Variants in SORCS3 observed in about 807,000 individuals in gnomAD.
The protein encoded by SORCS3 is sortilin related VPS10 domain containing receptor 3.
In SORCS3, 57 loss-of-function variants were observed where a neutral mutation model predicts 146.3. The observed-to-expected ratio is 0.39, with a 90% CI of 0.31 to 0.49. SORCS3 has a LOEUF of 0.49. Ranked by LOEUF, SORCS3 falls within the 20% of genes least tolerant of loss-of-function variation. The pLI is 0.92. For missense variants in SORCS3, 1,341 were observed against 1,575.5 expected (o/e 0.85, Z 2.52); for synonymous variants, 653 against 618.5 (o/e 1.06, Z -0.83).
chr10:105,106,947 C>T (rs2055826167), intron 7 of SORCS3, among the ~76,000 whole-genome samples: 1 of 152,172 alleles, frequency 6.6e-6, no homozygotes, highest in Non-Finnish European at 1.5e-5. Flanking sequence ...TGACCTGCTT[C>T]TCTACCCAGT....
chr10:105,211,007 T>G (rs1275993806), intron 16 of SORCS3, 130 bp from the exon 17 acceptor site: 2 of 602,598 alleles, frequency 3.3e-6, no homozygotes, highest in Non-Finnish European at 6.1e-6. Flanking sequence ...TTACCCTCAC[T>G]GGGGATATTT....
intron 16 of SORCS3, 46 bp from the exon 17 acceptor site, chr10:105,211,090 AG>A (rs3214966): frequency 0.34 from 468,536 of 1,358,254 alleles, 82,114 homozygotes; most frequent in South Asian, 0.44. Context: ...CGGTTATTTT[AG>A]CGTTTGTACA....
At chr10:104,939,040 T>C (rs2019286657) in intron 3 of SORCS3, among the ~76,000 whole-genome samples, 1 of 152,268 alleles carries the variant, frequency 6.6e-6, no homozygotes, top group East Asian at 1.9e-4. Flanking sequence ...ACCCACCTTC[T>C]GTGTTCAGCA....
intron 4 of SORCS3, among the ~76,000 whole-genome samples, chr10:105,033,731 G>C (rs1380794902): frequency 1.3e-5 from 2 of 152,104 alleles, no homozygotes; most frequent in Admixed American, 1.3e-4. Context: ...GGTGTTTATA[G>C]GATACTGTTT....
chr10:104,733,914 G>A (rs1337797614), intron 1 of SORCS3, among the ~76,000 whole-genome samples: 2 of 152,154 alleles, frequency 1.3e-5, no homozygotes, highest in Non-Finnish European at 2.9e-5. Flanking sequence ...ATGTTTCCCA[G>A]TGATGCCTTT....
At chr10:105,089,232 C>G (rs1014218651) in intron 5 of SORCS3, among the ~76,000 whole-genome samples, 3 of 152,158 alleles carry the variant, frequency 2.0e-5, no homozygotes, top group African/African-American at 7.2e-5. Flanking sequence ...TGCCAAACTT[C>G]TGTTATTTTC....
chr10:105,029,612 C>T (rs1389600251), intron 4 of SORCS3, among the ~76,000 whole-genome samples: 1 of 152,156 alleles, frequency 6.6e-6, no homozygotes, highest in Non-Finnish European at 1.5e-5. Context: ...TTGTCAAAGC[C>T]GTGGCTTCTC....
At chr10:105,061,388 A>G (rs1324362722) in intron 5 of SORCS3, among the ~76,000 whole-genome samples, 2 of 145,692 alleles carry the variant, frequency 1.4e-5, no homozygotes, top group Non-Finnish European at 3.0e-5. Context: ...TCCGCCTCCC[A>G]GGTTCATGCC....
intron 4 of SORCS3, among the ~76,000 whole-genome samples, chr10:105,005,502 G>T (rs1310098081): frequency 6.6e-6 from 1 of 151,616 alleles, no homozygotes; most frequent in African/African-American, 2.4e-5. Context: ...CTTGGAGGAT[G>T]AGTAGTTGCT....
chr10:105,003,992 TTCTC>T (rs1464410678), intron 4 of SORCS3, among the ~76,000 whole-genome samples: 1 of 127,842 alleles, frequency 7.8e-6, no homozygotes, highest in African/African-American at 4.0e-5. Flanking sequence ...TTTTTTTCTC[TTCTC>T]TCTCTTTTTT....
At chr10:104,644,782 T>C (rs1181907453) in intron 1 of SORCS3, among the ~76,000 whole-genome samples, 1 of 152,248 alleles carries the variant, frequency 6.6e-6, no homozygotes, top group Non-Finnish European at 1.5e-5. Flanking sequence ...TCCTTGCTCT[T>C]CTTCCAAGTG....
At chr10:104,814,435 T>C (rs1214521708) in intron 1 of SORCS3, among the ~76,000 whole-genome samples, 1 of 152,202 alleles carries the variant, frequency 6.6e-6, no homozygotes, top group Non-Finnish European at 1.5e-5. Context: ...TTGTCATTCC[T>C]GATCAGCATG....
rs148904846 is a variant in SORCS3 at position 105,176,963 on chromosome 10, A to ATG, written c.1902-1089_1902-1088dup. Among the ~76,000 whole-genome samples, 383 of 149,040 alleles carry ATG rather than the reference A, an allele frequency of 2.6e-3. 1 individual carries two copies. Among genetic ancestry groups the ATG allele is most frequent in the African/African-American group, 8.2e-3 (337 of 40,968 alleles). ...ATATTATGTGCATATATTAGGATTTATGTGTGTGTGTGTGTATACACACAC... is the reference window on the plus strand; with the variant it reads ...ATATTATGTGCATATATTAGGATTTATGTGTGTGTGTGTGTGTATACACACAC... On this transcript the variant is annotated intron_variant, in intron 13 of 26. Transcript: ENST00000369701.
intron 1 of SORCS3, among the ~76,000 whole-genome samples, chr10:104,670,013 G>A (rs1037108132): frequency 6.6e-6 from 1 of 151,686 alleles, no homozygotes; most frequent in Admixed American, 6.6e-5. Flanking sequence ...TTAGTCATTT[G>A]TATATCTCCT....
At chr10:105,023,374 A>T (rs1420328876) in intron 4 of SORCS3, among the ~76,000 whole-genome samples, 2 of 152,110 alleles carry the variant, frequency 1.3e-5, no homozygotes, top group African/African-American at 4.8e-5. Flanking sequence ...GGCCCATGAC[A>T]ATGACTGCCT....
intron 3 of SORCS3, among the ~76,000 whole-genome samples, chr10:104,930,834 G>T (rs1334361381): frequency 6.6e-6 from 1 of 152,194 alleles, no homozygotes. Context: ...CCTCGTCTGT[G>T]TAATCGGGAT....
chr10:105,112,646 G>A (rs965813693), intron 7 of SORCS3, among the ~76,000 whole-genome samples: 1 of 152,200 alleles, frequency 6.6e-6, no homozygotes, highest in Non-Finnish European at 1.5e-5. Context: ...ATAGAGCAGT[G>A]AGGCTTGAGT....
chr10:105,200,468 G>A (rs1260942591), intron 15 of SORCS3, among the ~76,000 whole-genome samples: 1 of 152,104 alleles, frequency 6.6e-6, no homozygotes, highest in Non-Finnish European at 1.5e-5. Flanking sequence ...TGTGGAGGGC[G>A]AGAGCATTTC....
intron 1 of SORCS3, among the ~76,000 whole-genome samples, chr10:104,807,801 A>G (rs899689595): frequency 2.0e-5 from 3 of 152,210 alleles, no homozygotes; most frequent in African/African-American, 7.2e-5. Flanking sequence ...ATTCCATAGA[A>G]TGTGATGCAT....
Sources: gnomAD v4.1 joint callset for allele counts (sites outside exome capture counted in the v4.1 genomes callset) on GRCh38, gnomAD v4.1.1 for gene constraint, MANE v1.5 for transcripts, NCBI Gene and HGNC (gene_info 2026-07-23, HGNC 2026-07-21) for gene names.